SDK1: variants seen among roughly 807,000 people sequenced by gnomAD.
SDK1 encodes protein sidekick-1.
SDK1 carries 157 observed loss-of-function variants against 245.5 expected under a neutral mutation model. The ratio of observed to expected loss-of-function variants is 0.64; its 90% CI spans 0.56 to 0.73. The LOEUF (loss-of-function observed/expected upper bound fraction) is 0.73, where lower values mean the gene tolerates loss of function less well. Among genes scored for constraint, SDK1 ranks in the 30% least tolerant of loss-of-function variants. The pLI, the probability that SDK1 is intolerant of heterozygous loss-of-function variation, is 0.00. For missense variants in SDK1, 3,583 were observed against 3,002.3 expected (o/e 1.19, Z -4.52); for synonymous variants, 1,647 against 1,278.5 (o/e 1.29, Z -6.15).
chr7:4,128,254 C>G (rs530546168), intron 26 of SDK1, among the ~76,000 whole-genome samples: 1 of 152,180 alleles, frequency 6.6e-6, no homozygotes, highest in Non-Finnish European at 1.5e-5. Flanking sequence ...CCTTTCCGTA[C>G]TTCACATCCC....
intron 35 of SDK1, among the ~76,000 whole-genome samples, chr7:4,184,409 C>G (rs1055781969): frequency 6.6e-6 from 1 of 152,070 alleles, no homozygotes; most frequent in African/African-American, 2.4e-5. Flanking sequence ...TGAGGAGACT[C>G]AGGTACTGGC....
chr7:4,091,338 T>TCTTTTTTC (rs1554337382), intron 22 of SDK1, among the ~76,000 whole-genome samples: 386 of 131,112 alleles, frequency 2.9e-3, no homozygotes, highest in Non-Finnish European at 4.3e-3. Context: ...TCTTTTCTTT[T>TCTTTTTTC]TTTTTTTTTT....
chr7:3,710,226 GTACATTT>G (rs1583329436), intron 4 of SDK1, among the ~76,000 whole-genome samples: 1 of 152,264 alleles, frequency 6.6e-6, no homozygotes, highest in Non-Finnish European at 1.5e-5. Context: ...TCCCACATGT[GTACATTT>G]TGTTTTCTTG....
intron 4 of SDK1, among the ~76,000 whole-genome samples, chr7:3,657,873 T>C (rs919302534): frequency 2.0e-5 from 3 of 152,302 alleles, no homozygotes; most frequent in East Asian, 1.9e-4. Context: ...CTAAATGATA[T>C]AAGGTCAAGT....
rs563103553 is a variant in SDK1, at chr7:3,679,356, G to C, written c.713+37251G>C. Among the ~76,000 whole-genome samples, 8 of 152,154 alleles carry C rather than the reference G, an allele frequency of 5.3e-5. No homozygotes were observed. In the South Asian group the frequency reaches 1.5e-3, roughly 28 times the overall value. On this transcript the variant is annotated intron_variant, in intron 4 of 44. Coordinates refer to ENST00000404826, the MANE Select transcript of SDK1 (RefSeq NM_152744.4). ...CCGAGGCGGGTGGATCACGAGGTCG[G>C]GAGATCGAGACCATCCTGGCTAACA...
In SDK1 at chr7:4,110,667, G is replaced by C. The variant is rs1250924486; in HGVS notation, c.3329G>C (p.Gly1110Ala). Reference protein sequence around the residue: ...ISRWIVEGQVGAIGDEEEWVT... With the variant: ...ISRWIVEGQVAAIGDEEEWVT... ...TCAGTGTCTCCCTCTGCACAGGTGG[G>C]AGCTATCGGCGACGAGGAGGAGTGG... The change falls in exon 23 of 45, where the codon GGA (glycine) becomes GCA (alanine). Residue 1110 changes from glycine to alanine, a missense_variant. Transcript: ENST00000404826. The C allele has an allele frequency of 6.2e-7, 1 of 1,610,650 alleles. No homozygotes were observed. Among genetic ancestry groups the C allele is most frequent in the Admixed American group, 1.7e-5 (1 of 59,992 alleles).
intron 1 of SDK1, among the ~76,000 whole-genome samples, chr7:3,404,996 T>A (rs1779009885): frequency 6.6e-6 from 1 of 151,928 alleles, no homozygotes; most frequent in African/African-American, 2.4e-5. Flanking sequence ...CAAAAACAAG[T>A]GAATTTTCAG....
intron 1 of SDK1, among the ~76,000 whole-genome samples, chr7:3,487,160 C>G (rs771742953): frequency 1.3e-5 from 2 of 152,182 alleles, no homozygotes; most frequent in Non-Finnish European, 2.9e-5. Context: ...AATTGGCCCA[C>G]TGGTCTTAGT....
At chr7:3,323,880 G>T (rs2128548428) in intron 1 of SDK1, among the ~76,000 whole-genome samples, 1 of 152,302 alleles carries the variant, frequency 6.6e-6, no homozygotes, top group East Asian at 1.9e-4. Context: ...CTGTAGATAG[G>T]TTGGGTAAAG....
intron 5 of SDK1, among the ~76,000 whole-genome samples, chr7:3,826,342 G>A (rs1300606309): frequency 6.6e-6 from 1 of 152,202 alleles, no homozygotes; most frequent in African/African-American, 2.4e-5. Context: ...GGCGCAATAT[G>A]CACTTTGTGA....
chr7:3,876,210 G>A (rs79581374), intron 5 of SDK1, among the ~76,000 whole-genome samples: 7,820 of 152,190 alleles, frequency 0.051, 636 homozygotes, highest in African/African-American at 0.17. Flanking sequence ...AGTAGGGTAG[G>A]GGCTGAACTC....
rs182346191 is a variant in SDK1, at chr7:4,192,725, C to T, written c.5099-13154C>T. Reference sequence around the variant, plus strand: ...ACTCCCTTTTTCAATGATCTGGAACCAAACCCACAATATCTCCAAGACCCG... The same window carrying T: ...ACTCCCTTTTTCAATGATCTGGAACTAAACCCACAATATCTCCAAGACCCG... On this transcript the variant is annotated intron_variant, in intron 35 of 44. Transcript: ENST00000404826. Among the ~76,000 whole-genome samples the T allele has an allele frequency of 1.8e-4, 27 of 152,054 alleles. No homozygotes were observed. In the East Asian group the frequency reaches 4.6e-3, roughly 26 times the overall value.
At position 4,178,715 on chromosome 7, in the gene SDK1, G is replaced by GAA. The variant is rs1284096835; in HGVS notation, c.5098+129_5098+130insAA. ...TCTCCTTGAACACATTGCTGTCGGG[G>GAA]CTGAGGTCTCCACGCCACTGGCAGG... On this transcript the variant is annotated intron_variant, in intron 35 of 44. Coordinates refer to ENST00000404826, the MANE Select transcript of SDK1 (RefSeq NM_152744.4). The GAA allele has an allele frequency of 9.1e-6, 6 of 661,316 alleles. No individual in the cohort carries two copies. The African/African-American group carries it at 1.1e-4, about 12-fold the overall frequency. The allele number at this position is 661,316 out of a possible 1,614,324, so 41.0% of individuals were successfully genotyped here.
At chr7:3,577,471 A>G (rs916213952) in intron 1 of SDK1, among the ~76,000 whole-genome samples, 1 of 151,978 alleles carries the variant, frequency 6.6e-6, no homozygotes. Context: ...ATGGGCTTTC[A>G]TGCCCTACAG....
At chr7:4,118,051 C>G (rs1380925096) in intron 25 of SDK1, among the ~76,000 whole-genome samples, 1 of 151,952 alleles carries the variant, frequency 6.6e-6, no homozygotes, top group Admixed American at 6.6e-5. Context: ...TTCCAGAAAC[C>G]AAAAGCACGA....
At chr7:4,122,679 A>T (rs1784145747) in intron 25 of SDK1, among the ~76,000 whole-genome samples, 1 of 152,174 alleles carries the variant, frequency 6.6e-6, no homozygotes, top group Non-Finnish European at 1.5e-5. Context: ...TGAGCTGCAT[A>T]GTGTGAAATC....
At chr7:4,134,466 C>G (rs575749751) in intron 28 of SDK1, among the ~76,000 whole-genome samples, 14 of 152,310 alleles carry the variant, frequency 9.2e-5, no homozygotes, top group East Asian at 1.9e-4. Context: ...AGGAGCCCCA[C>G]CCAGGCAGGC....
chr7:3,415,834 A>C (rs77937273), intron 1 of SDK1, among the ~76,000 whole-genome samples: 1 of 152,182 alleles, frequency 6.6e-6, no homozygotes, highest in South Asian at 2.1e-4. Context: ...TTAAGTGTGA[A>C]CACATATTTT....
At chr7:3,468,194 A>T (rs1252826483) in intron 1 of SDK1, among the ~76,000 whole-genome samples, 1 of 152,194 alleles carries the variant, frequency 6.6e-6, no homozygotes, top group East Asian at 1.9e-4. Context: ...ATGCTTTTCT[A>T]GATAACTGTA....
Sources: allele counts gnomAD v4.1 joint callset (sites outside exome capture counted in the v4.1 genomes callset), GRCh38; gene constraint gnomAD v4.1.1; transcripts MANE v1.5; gene names NCBI Gene and HGNC (gene_info 2026-07-23, HGNC 2026-07-21).